Variants in PXK observed in about 807,000 individuals in gnomAD.
The protein encoded by PXK is PX domain containing serine/threonine kinase like.
PXK carries 35 observed loss-of-function variants against 84.7 expected under a neutral mutation model. That is an observed-to-expected ratio of 0.41 (90% confidence interval 0.32 to 0.55). The LOEUF (loss-of-function observed/expected upper bound fraction) is 0.55, where lower values mean the gene tolerates loss of function less well. PXK is among the 20% of genes least tolerant of loss of function. The pLI, the probability that PXK is intolerant of heterozygous loss-of-function variation, is 0.21. For synonymous variants in PXK, 253 were observed against 260.8 expected (o/e 0.97, Z 0.29); for missense variants, 634 against 699.7 (o/e 0.91, Z 1.06).
At chr3:58,378,506 T>G (rs1272519669) in intron 3 of PXK, among the ~76,000 whole-genome samples, 95 of 66,466 alleles carry the variant, frequency 1.4e-3, no homozygotes, top group African/African-American at 3.9e-3. Flanking sequence ...TTTTTTTTTT[T>G]TTTTTTTGTG....
intron 1 of PXK, among the ~76,000 whole-genome samples, chr3:58,339,902 C>A (rs1410900222): frequency 7.9e-5 from 12 of 151,942 alleles, no homozygotes; most frequent in Non-Finnish European, 4.4e-5. Context: ...GCAACCTCCA[C>A]CTCCTGGATT....
At chr3:58,371,247 T>G (rs1321905274) in intron 3 of PXK, among the ~76,000 whole-genome samples, 4 of 152,156 alleles carry the variant, frequency 2.6e-5, no homozygotes, top group African/African-American at 9.7e-5. Context: ...TTCTCATCAG[T>G]GGGTTTAATT....
At chr3:58,391,350 C>G in intron 6 of PXK, 130 bp downstream of exon 6, 2 of 744,440 alleles carry the variant, frequency 2.7e-6, no homozygotes, top group South Asian at 1.9e-5. Context: ...TGGTCCATGT[C>G]AAAGAAAAGT....
chr3:58,373,295 G>A (rs969793322), intron 3 of PXK, among the ~76,000 whole-genome samples: 3 of 133,146 alleles, frequency 2.3e-5, no homozygotes, highest in Non-Finnish European at 5.2e-5. Flanking sequence ...AGCCAGGATG[G>A]TGATCTCCTG....
intron 4 of PXK, among the ~76,000 whole-genome samples, chr3:58,389,702 A>C (rs1340070840): frequency 1.3e-5 from 2 of 151,792 alleles, no homozygotes; most frequent in Non-Finnish European, 2.9e-5. Flanking sequence ...CACGCACCAG[A>C]AATTAGCCAG....
rs1003217768 is a variant in PXK, at chr3:58,412,615, A to G, written c.1466-286A>G. On this transcript the variant is annotated intron_variant, in intron 16 of 17. Coordinates refer to ENST00000356151, the MANE Select transcript of PXK (RefSeq NM_017771.5). This position sits in a 1 kb window ranked among gnomAD's most constrained non-coding sequence, Gnocchi z 6.2. ...GCGTCAGGAAGAGATACTGCAGCCA[A>G]TTGCCTAAGCTGTTGATGGTGCAAA... is the stretch of plus-strand genomic sequence containing the variant. 6.6e-6 allele frequency among the ~76,000 whole-genome samples: 1 copy of G among 152,144 alleles called. No individual in the cohort carries two copies. The highest frequency in any genetic ancestry group is 1.9e-4 in the East Asian group (1 of 5,192).
rs574093989 is a variant in PXK, at chr3:58,399,255, C to G, written c.1103-44C>G. The G allele has an allele frequency of 6.4e-7, 1 of 1,559,820 alleles. No individual in the cohort carries two copies. Among genetic ancestry groups the G allele is most frequent in the Admixed American group, 1.7e-5 (1 of 59,896 alleles). On this transcript the variant is annotated intron_variant, in intron 11 of 17. Transcript: ENST00000356151. The surrounding 1 kb of genome is among the most constrained non-coding windows in gnomAD (Gnocchi z 4.3). ...ACTTTTCATCAGCAAGTGGATTTGC[C>G]AGCGTGTTCTGTGGAACTAAAATGT...
chr3:58,337,468 A>G (rs1226222023), intron 1 of PXK, among the ~76,000 whole-genome samples: 1 of 151,928 alleles, frequency 6.6e-6, no homozygotes, highest in Non-Finnish European at 1.5e-5. Flanking sequence ...GTTCTGTTGG[A>G]TTCCAAGGTC....
At chr3:58,368,619 GC>G (rs1162904212) in intron 2 of PXK, among the ~76,000 whole-genome samples, 1 of 152,200 alleles carries the variant, frequency 6.6e-6, no homozygotes, top group Non-Finnish European at 1.5e-5. Context: ...ACTGTGCCCA[GC>G]CCATTTCTGA....
At position 58,399,482 on chromosome 3, in the gene PXK, C is replaced by A. The variant is rs145435475; in HGVS notation, c.1181+105C>A. 2.5e-6 allele frequency: 3 copies of A among 1,201,502 alleles called. No homozygotes were observed. Among genetic ancestry groups the A allele is most frequent in the Non-Finnish European group, 3.6e-6 (3 of 828,854 alleles). The allele number at this position is 1,201,502 out of a possible 1,614,324, so 74.4% of individuals were successfully genotyped here. On this transcript the variant is annotated intron_variant, in intron 12 of 17. Coordinates refer to ENST00000356151, the MANE Select transcript of PXK (RefSeq NM_017771.5). This position sits in a 1 kb window ranked among gnomAD's most constrained non-coding sequence, Gnocchi z 4.3. ...GTAGTAAAGATTCTTGCGGTCCCTGCAGAGTTGGCGTGGCCTGCTTGCTGA... is the reference window on the plus strand; with the variant it reads ...GTAGTAAAGATTCTTGCGGTCCCTGAAGAGTTGGCGTGGCCTGCTTGCTGA...
chr3:58,335,999 A>G (rs971047213), intron 1 of PXK, among the ~76,000 whole-genome samples: 31 of 138,054 alleles, frequency 2.2e-4, no homozygotes, highest in African/African-American at 7.7e-4. Context: ...TTCTGTCCAT[A>G]GTTCCTTTCA....
intron 3 of PXK, among the ~76,000 whole-genome samples, chr3:58,371,481 G>T (rs186912020): frequency 6.6e-6 from 1 of 152,170 alleles, no homozygotes; most frequent in East Asian, 1.9e-4. Flanking sequence ...ATGCTCAAGC[G>T]AACCTTTGCT....
At chr3:58,396,148 A>G (rs1025626398) in intron 9 of PXK, among the ~76,000 whole-genome samples, 1 of 152,162 alleles carries the variant, frequency 6.6e-6, no homozygotes, top group East Asian at 1.9e-4. Flanking sequence ...ATCACCCTCT[A>G]GATCAGGATT....
intron 3 of PXK, among the ~76,000 whole-genome samples, chr3:58,372,896 C>T (rs1052602044): frequency 6.6e-6 from 1 of 152,056 alleles, no homozygotes; most frequent in African/African-American, 2.4e-5. Context: ...AAATCACCAT[C>T]TTATTTTAAA....
intron 4 of PXK, among the ~76,000 whole-genome samples, chr3:58,389,135 A>G (rs1172983596): frequency 1.3e-5 from 2 of 152,114 alleles, no homozygotes; most frequent in African/African-American, 4.8e-5. Context: ...AGGGGGAAAC[A>G]TTTTCATGAT....
intron 17 of PXK, chr3:58,413,269 C>A: frequency 2.3e-6 from 1 of 426,204 alleles, no homozygotes; most frequent in Non-Finnish European, 4.3e-6. Flanking sequence ...TTGGTACATG[C>A]TTAGCTGAAC....
Position 58,395,087 on chromosome 3 carries a change from G to T in PXK, c.705G>T (p.Lys235Asn). 2 of 1,610,350 alleles carry T rather than the reference G, an allele frequency of 1.2e-6. No individual in the cohort carries two copies. The highest frequency in any genetic ancestry group is 1.7e-6 in the Non-Finnish European group (2 of 1,176,682). The change falls in exon 8 of 18, where the codon AAG becomes AAT. Residue 235 changes from lysine (K) to asparagine (N), a missense_variant. This residue lies in a region of PXK where 353 missense variants were observed against 385.2 expected (regional missense o/e 0.92). Coordinates refer to ENST00000356151, the MANE Select transcript of PXK (RefSeq NM_017771.5). ...TGTTTAACGAAAAGGGAACATTGAAGGATCTGATCTACAAGGTACCTGTGC... is the reference window on the plus strand; with the variant it reads ...TGTTTAACGAAAAGGGAACATTGAATGATCTGATCTACAAGGTACCTGTGC... Reference protein sequence around the residue: ...IRMFNEKGTLKDLIYKAKPKD... With the variant: ...IRMFNEKGTLNDLIYKAKPKD...
intron 1 of PXK, among the ~76,000 whole-genome samples, chr3:58,359,712 G>T (rs1484028129): frequency 6.6e-6 from 1 of 152,144 alleles, no homozygotes; most frequent in Non-Finnish European, 1.5e-5. Flanking sequence ...TAAAAGCCAA[G>T]AAAATGTGTC....
rs67904096 is a variant in PXK at position 58,379,781 on chromosome 3, T to A, written c.202-2733T>A. Among the ~76,000 whole-genome samples, 44,539 of 151,582 alleles carry A rather than the reference T, an allele frequency of 0.29. 7,313 individuals carry two copies. The highest frequency in any genetic ancestry group is 0.4 in the Middle Eastern group (116 of 292). ...GCTAAAAGATAAAGGAAATACTCTT[T>A]AAAAAAAAGAAAAGCGAAATACAAA... On this transcript the variant is annotated intron_variant, in intron 3 of 17. Coordinates refer to ENST00000356151, the MANE Select transcript of PXK (RefSeq NM_017771.5). The surrounding 1 kb of genome is among the most constrained non-coding windows in gnomAD (Gnocchi z 5.1).
Sources: allele counts gnomAD v4.1 joint callset (sites outside exome capture counted in the v4.1 genomes callset), GRCh38; gene constraint gnomAD v4.1.1; regional missense constraint gnomAD v4.1.1; non-coding constraint Gnocchi (gnomAD v3.1); transcripts MANE v1.5; gene names NCBI Gene and HGNC (gene_info 2026-07-23, HGNC 2026-07-21).